EPB42: variants seen among roughly 807,000 people sequenced by gnomAD.
EPB42 encodes the protein erythrocyte membrane protein band 4.2.
A neutral mutation model predicts 76.9 loss-of-function variants in EPB42; 49 were observed. The observed-to-expected ratio is 0.64, with a 90% CI of 0.51 to 0.81. The LOEUF is 0.81. EPB42 is among the 30% of genes least tolerant of loss of function. The pLI is 0.00. For synonymous variants in EPB42, 310 were observed against 338.4 expected (o/e 0.92, Z 0.92); for missense variants, 731 against 867.6 (o/e 0.84, Z 1.98).
rs1428531220 is a variant in EPB42, at chr15:43,207,197, A to G, written c.1318+2T>C. On this transcript the variant is annotated splice_donor_variant, in intron 9 of 12. Coordinates refer to ENST00000441366, the MANE Select transcript of EPB42 (RefSeq NM_001114134.2). LOFTEE classifies it high-confidence loss of function. ...AGCCTGGGGCCCTTCCCTGGCCCGT[A>G]CCTTCAGGATACTTGTAGTTCTGAG... 2 of 1,613,690 alleles carry G rather than the reference A, an allele frequency of 1.2e-6. No individual in the cohort carries two copies. The highest frequency in any genetic ancestry group is 1.7e-5 in the Admixed American group (1 of 59,990).
At chr15:43,205,469 G>T (rs1195985535) in intron 10 of EPB42, among the ~76,000 whole-genome samples, 2 of 152,060 alleles carry the variant, frequency 1.3e-5, no homozygotes, top group African/African-American at 4.8e-5. Context: ...GCATGATCTT[G>T]GCTCACTGCA....
At chr15:43,208,108 C>T (rs142244040) in intron 8 of EPB42, 122 bp downstream of exon 8, 9 of 816,656 alleles carry the variant, frequency 1.1e-5, no homozygotes, top group African/African-American at 1.7e-5. Context: ...TGTCATGCCT[C>T]GTGCTTCTAC....
intron 10 of EPB42, among the ~76,000 whole-genome samples, chr15:43,204,235 A>T (rs1244521864): frequency 6.6e-6 from 1 of 152,044 alleles, no homozygotes; most frequent in Non-Finnish European, 1.5e-5. Context: ...TTCAGCCTTG[A>T]CACCTCGTGC....
chr15:43,208,282 C>G lies in EPB42; in HGVS notation c.1023G>C (p.Gln341His), dbSNP rs749148033. The change falls in exon 8 of 13, where the codon CAG becomes CAC. Residue 341 changes from glutamine (Q) to histidine (H), a missense_variant. Gln to His is a conservative substitution (Grantham distance 24). Transcript: ENST00000441366. The part of the protein sequence containing the change: ...ECWMTRPALP[Q>H]GYDGWQILHP... Reference sequence around the variant, plus strand: ...GCAGAATCTGCCATCCATCATAACCCTGGGGCAAGGCAGGCCGCGTCATCC... The same window carrying G: ...GCAGAATCTGCCATCCATCATAACCGTGGGGCAAGGCAGGCCGCGTCATCC... 2 of 1,614,122 alleles carry G rather than the reference C, an allele frequency of 1.2e-6. No individual in the cohort carries two copies. Among genetic ancestry groups the G allele is most frequent in the African/African-American group, 2.7e-5 (2 of 75,034 alleles).
In EPB42 at chr15:43,203,220, C is replaced by T; in HGVS notation, c.1674G>A (p.Glu558=). 1 of 1,614,048 alleles carries T rather than the reference C, an allele frequency of 6.2e-7. No individual in the cohort carries two copies. The highest frequency in any genetic ancestry group is 8.5e-7 in the Non-Finnish European group (1 of 1,180,016). The change falls in exon 11 of 13, where the codon GAG becomes GAA. Residue 558 remains glutamate (E), a synonymous_variant. Transcript: ENST00000441366. ...FFSNFERNPP[E]NTFLRLTAMA... ...TGGCGGTGAGTCTAAGGAAGGTGTT[C>T]TCGGGTGGGTTTCGCTCAAAATTGG... is the stretch of plus-strand genomic sequence containing the variant.
chr15:43,201,706 A>T, intron 12 of EPB42, 138 bp downstream of exon 12: 1 of 1,293,434 alleles, frequency 7.7e-7, no homozygotes, highest in Non-Finnish European at 1.1e-6. Context: ...GCCACTTGGT[A>T]GCCCTAATCC....
chr15:43,223,780 C>G (rs551663134), upstream of EPB42, among the ~76,000 whole-genome samples: 2 of 152,062 alleles, frequency 1.3e-5, no homozygotes, highest in Non-Finnish European at 2.9e-5. Context: ...TCGAAACCAG[C>G]CAGGCCAAGA....
chr15:43,206,696 G>A lies in EPB42; in HGVS notation c.1319-67C>T. The A allele has an allele frequency of 6.3e-7, 1 of 1,584,102 alleles. No individual in the cohort carries two copies. The highest frequency in any genetic ancestry group is 8.6e-7 in the Non-Finnish European group (1 of 1,156,736). On this transcript the variant is annotated intron_variant, in intron 9 of 12. Transcript: ENST00000441366. This position sits in a 1 kb window ranked among gnomAD's most constrained non-coding sequence, Gnocchi z 4.7. ...GTATAAATGCTTCTAATAAAACCCT[G>A]GGAATCAAAACCATTTACCCACTTC... is the stretch of plus-strand genomic sequence containing the variant.
chr15:43,203,132 G>T lies in EPB42; in HGVS notation c.1762C>A (p.Pro588Thr), dbSNP rs1040583633. 6.2e-7 allele frequency: 1 copy of T among 1,614,098 alleles called. No homozygotes were observed. The highest frequency in any genetic ancestry group is 8.5e-7 in the Non-Finnish European group (1 of 1,180,016). Residue 588 changes from proline (P) to threonine (T), a missense_variant, in exon 11 of 13, where the codon CCA becomes ACA. Physicochemically the swap from Pro to Thr is conservative, Grantham distance 38. Coordinates refer to ENST00000441366, the MANE Select transcript of EPB42 (RefSeq NM_001114134.2). ...GTGCCTACCTTGATGGCAAGGTGTG[G>T]TCTACAAATGGCAATGTCTTCCTGA... ...FAQEDIAICR[P>T]HLAIKMPEKA...
At chr15:43,210,301 C>A (rs1039614446) in intron 5 of EPB42, 34 bp downstream of exon 5, 2 of 1,596,272 alleles carry the variant, frequency 1.3e-6, no homozygotes, top group Admixed American at 1.7e-5. Flanking sequence ...TTTCTCACCC[C>A]TGCCCCATTC....
chr15:43,199,147 G>T (rs2042091828), intron 12 of EPB42, among the ~76,000 whole-genome samples: 1 of 152,208 alleles, frequency 6.6e-6, no homozygotes, highest in Non-Finnish European at 1.5e-5. Context: ...GCCTAGTGGA[G>T]CTGTGAGAAG....
At chr15:43,210,560 G>C in intron 4 of EPB42, 121 bp from the exon 5 acceptor site, 1 of 861,428 alleles carries the variant, frequency 1.2e-6, no homozygotes, top group Non-Finnish European at 1.9e-6. Context: ...TCCCAGACCC[G>C]CACTCCACAC....
chr15:43,200,147 C>A (rs570531898), intron 12 of EPB42, among the ~76,000 whole-genome samples: 7 of 152,188 alleles, frequency 4.6e-5, no homozygotes, highest in Non-Finnish European at 8.8e-5. Flanking sequence ...AACCTCCTGG[C>A]CTGCCTATAA....
rs758629385 is a variant in EPB42 at position 43,206,565 on chromosome 15, G to C, written c.1383C>G (p.Asp461Glu). The change falls in exon 10 of 13, where the codon GAC becomes GAG. Residue 461 changes from aspartate to glutamate, a missense_variant. Coordinates refer to ENST00000441366, the MANE Select transcript of EPB42 (RefSeq NM_001114134.2). The surrounding 1 kb of genome is among the most constrained non-coding windows in gnomAD (Gnocchi z 4.7). ...VEKEKMEREK[D>E]NGIRPPSLET... ...CGAGACTGGGAGGACGGATGCCGTTGTCTTTCTCACGTTCCATTTTCTCTT... is the reference window on the plus strand; with the variant it reads ...CGAGACTGGGAGGACGGATGCCGTTCTCTTTCTCACGTTCCATTTTCTCTT... The C allele has an allele frequency of 1.2e-6, 2 of 1,614,170 alleles. No individual in the cohort carries two copies. Among genetic ancestry groups the C allele is most frequent in the South Asian group, 1.1e-5 (1 of 91,074 alleles).
chr15:43,202,090 G>T, intron 11 of EPB42, 113 bp from the exon 12 acceptor site: 2 of 1,448,018 alleles, frequency 1.4e-6, no homozygotes, highest in South Asian at 1.2e-5. Context: ...CTGCCAAGCT[G>T]ACTCAAACTT....
intron 12 of EPB42, among the ~76,000 whole-genome samples, chr15:43,198,303 A>T (rs901268232): frequency 6.6e-6 from 1 of 152,212 alleles, no homozygotes; most frequent in African/African-American, 2.4e-5. Flanking sequence ...GAAAATGCTG[A>T]TAGCAATATG....
chr15:43,220,952 G>T lies in EPB42; in HGVS notation c.-127C>A. Reference sequence around the variant, plus strand: ...TATGAAGGCACTTTTGTTGGCTTAAGAATCTGGAAATAGCAAAACCTCCCC... The same window carrying T: ...TATGAAGGCACTTTTGTTGGCTTAATAATCTGGAAATAGCAAAACCTCCCC... On this transcript the variant is annotated 5_prime_UTR_variant, in exon 1 of 13. Transcript: ENST00000441366. 1 of 846,810 alleles carries T rather than the reference G, an allele frequency of 1.2e-6. No homozygotes were observed. The highest frequency in any genetic ancestry group is 2.0e-6 in the Non-Finnish European group (1 of 511,442). The allele number at this position is 846,810 out of a possible 1,614,324, so 52.5% of individuals were successfully genotyped here.
intron 12 of EPB42, among the ~76,000 whole-genome samples, chr15:43,200,002 C>G (rs1322826385): frequency 1.3e-5 from 2 of 152,204 alleles, no homozygotes; most frequent in Non-Finnish European, 2.9e-5. Flanking sequence ...ATGTCTTTAT[C>G]AGCAGCGTGA....
intron 3 of EPB42, 74 bp from the exon 4 acceptor site, chr15:43,211,608 C>T (rs943161270): frequency 9.8e-7 from 1 of 1,015,794 alleles, no homozygotes. Flanking sequence ...CCTCTGTCCT[C>T]CCTGCCGAGA....
Sources: gnomAD v4.1 joint callset for allele counts (sites outside exome capture counted in the v4.1 genomes callset) on GRCh38, gnomAD v4.1.1 for gene constraint, Gnocchi (gnomAD v3.1) non-coding constraint, MANE v1.5 for transcripts, NCBI Gene and HGNC (gene_info 2026-07-23, HGNC 2026-07-21) for gene names.